ERC1: variants seen among roughly 807,000 people sequenced by gnomAD.
The protein encoded by ERC1 is ELKS/RAB6-interacting/CAST family member 1, also known as RAB6 interacting protein 2.
Under a neutral mutation model 132.0 loss-of-function variants are expected in ERC1, and 56 were observed. The observed-to-expected ratio is 0.42, with a 90% CI of 0.34 to 0.53. The LOEUF (loss-of-function observed/expected upper bound fraction) is 0.53, where lower values mean the gene tolerates loss of function less well. ERC1 is among the 20% of genes least tolerant of loss of function. ERC1 has a pLI of 0.03. For missense variants in ERC1, 1,202 were observed against 1,349.9 expected (o/e 0.89, Z 1.72); for synonymous variants, 478 against 476.1 (o/e 1.00, Z -0.05).
intron 8 of ERC1, among the ~76,000 whole-genome samples, chr12:1,178,817 C>T (rs1351854459): frequency 6.6e-6 from 1 of 152,094 alleles, no homozygotes; most frequent in Non-Finnish European, 1.5e-5. Flanking sequence ...TCACTCATTC[C>T]CTCCCTCCAT....
chr12:1,278,167 G>A (rs968653220), intron 14 of ERC1, among the ~76,000 whole-genome samples: 6 of 152,330 alleles, frequency 3.9e-5, no homozygotes, highest in African/African-American at 1.4e-4. Flanking sequence ...AAAGCCAACA[G>A]GGCTGCCACT....
At chr12:1,425,972 T>G (rs2092623307) in intron 17 of ERC1, among the ~76,000 whole-genome samples, 1 of 152,226 alleles carries the variant, frequency 6.6e-6, no homozygotes, top group Non-Finnish European at 1.5e-5. Context: ...GTAATGAATG[T>G]GAAAGTAGTT....
At chr12:1,401,017 G>C (rs1279271432) in intron 16 of ERC1, among the ~76,000 whole-genome samples, 8 of 124,160 alleles carry the variant, frequency 6.4e-5, no homozygotes, top group African/African-American at 2.1e-4. Context: ...CTCACTGCAA[G>C]CTCCACCTCC....
intron 14 of ERC1, among the ~76,000 whole-genome samples, chr12:1,274,810 A>G (rs959505981): frequency 1.3e-5 from 2 of 152,190 alleles, no homozygotes; most frequent in Admixed American, 1.3e-4. Flanking sequence ...CTCTTAACAC[A>G]TTGATACTTA....
In ERC1 at chr12:1,304,011, AT is replaced by A. The variant is rs990526607; in HGVS notation, c.2780+14008del. 5.2e-4 allele frequency among the ~76,000 whole-genome samples: 78 copies of A among 151,064 alleles called. 1 individual carries two copies. Among genetic ancestry groups the A allele is most frequent in the African/African-American group, 1.8e-3 (76 of 41,132 alleles). Reference sequence around the variant, plus strand: ...TATCCAAGGTTTGATATATATCTAGATTTTTTTTTCTCATGTATGATGAAGT... The same window carrying A: ...TATCCAAGGTTTGATATATATCTAGATTTTTTTTCTCATGTATGATGAAGT... On this transcript the variant is annotated intron_variant, in intron 15 of 18. Transcript: ENST00000360905.
intron 16 of ERC1, among the ~76,000 whole-genome samples, chr12:1,395,776 C>CA (rs973112456): frequency 6.6e-5 from 9 of 136,630 alleles, no homozygotes; most frequent in Middle Eastern, 3.8e-3. Flanking sequence ...GCAGATAGAC[C>CA]AAAAAAAATT....
chr12:1,115,695 C>A, intron 6 of ERC1, 171 bp from the exon 7 acceptor site: 1 of 465,820 alleles, frequency 2.1e-6, no homozygotes, highest in Non-Finnish European at 3.7e-6. Flanking sequence ...TTTTTTTTGG[C>A]TCAGGGTTGG....
Position 1,026,293 on chromosome 12 carries a change from G to A in ERC1, c.-156-1455G>A, listed in dbSNP as rs745353667. 3.3e-5 allele frequency among the ~76,000 whole-genome samples: 5 copies of A among 152,232 alleles called. No individual in the cohort carries two copies. The East Asian group carries it at 7.7e-4, about 24-fold the overall frequency. On this transcript the variant is annotated intron_variant, in intron 1 of 18. Transcript: ENST00000360905. ...ACCAGAACAGTAGAGGGGAAACTGC[G>A]CCCATGATTCAGTTAAGTACACCTG...
chr12:1,485,435 C>T (rs889464748), intron 18 of ERC1, among the ~76,000 whole-genome samples: 1 of 151,862 alleles, frequency 6.6e-6, no homozygotes, highest in African/African-American at 2.4e-5. Flanking sequence ...GAACTCCTGA[C>T]CTTGTGATCT....
At chr12:1,485,330 A>C (rs146380565) in intron 18 of ERC1, among the ~76,000 whole-genome samples, 2 of 145,262 alleles carry the variant, frequency 1.4e-5, no homozygotes, top group East Asian at 4.0e-4. Flanking sequence ...TCAGCCACCC[A>C]AGTAGCTGGG....
chr12:1,119,169 G>T (rs921292325), intron 7 of ERC1, among the ~76,000 whole-genome samples: 1 of 152,054 alleles, frequency 6.6e-6, no homozygotes, highest in African/African-American at 2.4e-5. Flanking sequence ...GTGAGCCACT[G>T]TGCCTAGCCT....
chr12:1,430,500 C>G (rs1400924233), intron 17 of ERC1: 1 of 152,336 alleles, frequency 6.6e-6, no homozygotes, highest in Non-Finnish European at 1.5e-5. Context: ...GCCTCAGCCT[C>G]CCGAGTATCT....
intron 5 of ERC1, 97 bp downstream of exon 5, chr12:1,110,444 C>T (rs1017277059): frequency 9.4e-5 from 92 of 982,838 alleles, no homozygotes; most frequent in Admixed American, 1.9e-4. Context: ...ATTTTACACT[C>T]TTTTATCAGG....
intron 2 of ERC1, among the ~76,000 whole-genome samples, chr12:1,047,866 A>G (rs1219042110): frequency 6.6e-6 from 1 of 152,024 alleles, no homozygotes; most frequent in Non-Finnish European, 1.5e-5. Flanking sequence ...CTTTTTTTCA[A>G]TCTATTTAAT....
intron 4 of ERC1, 35 bp downstream of exon 4, chr12:1,104,859 A>C: frequency 7.0e-7 from 1 of 1,427,504 alleles, no homozygotes; most frequent in Non-Finnish European, 9.9e-7. Flanking sequence ...CTTATGAATT[A>C]CCTTATACTT....
chr12:1,147,117 A>G (rs556895764), intron 8 of ERC1, among the ~76,000 whole-genome samples: 77 of 152,350 alleles, frequency 5.1e-4, no homozygotes, highest in African/African-American at 1.8e-3. Flanking sequence ...AGCATGATTT[A>G]TAATGCTTTG....
rs1032362031 is a variant in ERC1 at position 1,490,722 on chromosome 12, A to G, written c.*492A>G. On this transcript the variant is annotated 3_prime_UTR_variant, in exon 19 of 19. Coordinates refer to ENST00000360905, the MANE Select transcript of ERC1 (RefSeq NM_178040.4). ...AAAAACAATCTCAAAAAGATTAGAA[A>G]AAGAGAAGGGGGGAAGGGAAGAGAA... 1.3e-5 allele frequency: 3 copies of G among 234,106 alleles called. No individual in the cohort carries two copies. Among genetic ancestry groups the G allele is most frequent in the Non-Finnish European group, 2.5e-5 (3 of 118,684 alleles). 14.5% of individuals were successfully genotyped at this position (234,106 alleles called of 1,614,324 possible).
chr12:1,356,065 C>G (rs919943371), intron 15 of ERC1, among the ~76,000 whole-genome samples: 2 of 151,854 alleles, frequency 1.3e-5, no homozygotes, highest in Non-Finnish European at 2.9e-5. Flanking sequence ...TTAGCCAGGC[C>G]TGGTGGCACA....
chr12:1,359,512 C>G (rs1484651283), intron 15 of ERC1, among the ~76,000 whole-genome samples: 1 of 152,048 alleles, frequency 6.6e-6, no homozygotes, highest in East Asian at 1.9e-4. Context: ...CTGTGTCATC[C>G]CACGGTGGAA....
Sources: allele counts gnomAD v4.1 joint callset (sites outside exome capture counted in the v4.1 genomes callset), GRCh38; gene constraint gnomAD v4.1.1; transcripts MANE v1.5; gene names NCBI Gene and HGNC (gene_info 2026-07-23, HGNC 2026-07-21).